The following GRM8 variants were observed in gnomAD, a reference collection of about 807,000 sequenced individuals.
The protein encoded by GRM8 is metabotropic glutamate receptor 8.
In GRM8, 47 loss-of-function variants were observed where a neutral mutation model predicts 87.2. That is an observed-to-expected ratio of 0.54 (90% CI 0.43 to 0.69). GRM8 has a LOEUF of 0.69. Among genes scored for constraint, GRM8 ranks in the 30% least tolerant of loss-of-function variants. GRM8 has a pLI of 0.00. For synonymous variants in GRM8, 396 were observed against 404.5 expected, an observed-to-expected ratio of 0.98 and a Z score of 0.25; for missense variants, 1,019 against 1,139.2, an observed-to-expected ratio of 0.89 and a Z score of 1.52.
intron 2 of GRM8, among the ~76,000 whole-genome samples, chr7:127,218,811 T>G (rs190030718): frequency 2.0e-5 from 3 of 152,308 alleles, no homozygotes; most frequent in Admixed American, 2.0e-4. Flanking sequence ...TATTTGAACT[T>G]GAATGTTCAA....
chr7:127,126,896 A>C (rs1827403841), intron 2 of GRM8, among the ~76,000 whole-genome samples: 1 of 152,060 alleles, frequency 6.6e-6, no homozygotes, highest in South Asian at 2.1e-4. Flanking sequence ...CAATACAAAC[A>C]GTCCAAATTT....
intron 6 of GRM8, among the ~76,000 whole-genome samples, chr7:126,840,262 A>G (rs918099004): frequency 1.3e-5 from 2 of 152,202 alleles, no homozygotes; most frequent in Non-Finnish European, 2.9e-5. Flanking sequence ...TTGTTTCCAT[A>G]ATAGAAAGGG....
intron 2 of GRM8, among the ~76,000 whole-genome samples, chr7:127,234,986 G>A: frequency 6.6e-6 from 1 of 152,204 alleles, no homozygotes. Flanking sequence ...GGGTGAATGG[G>A]TAGAAAGAGC....
chr7:126,773,508 A>T (rs1424834182), intron 6 of GRM8, among the ~76,000 whole-genome samples: 1 of 152,156 alleles, frequency 6.6e-6, no homozygotes, highest in Non-Finnish European at 1.5e-5. Flanking sequence ...TTGATTTAAT[A>T]TATTATCATT....
intron 8 of GRM8, among the ~76,000 whole-genome samples, chr7:126,582,610 A>C (rs139012870): frequency 1.2e-3 from 176 of 152,318 alleles, no homozygotes; most frequent in African/African-American, 4.1e-3. Flanking sequence ...TGCTAGAAAG[A>C]AGTCAATGCC....
At chr7:127,222,296 T>A (rs1796986527) in intron 2 of GRM8, among the ~76,000 whole-genome samples, 2 of 152,174 alleles carry the variant, frequency 1.3e-5, no homozygotes. Flanking sequence ...TGGCCCCAAC[T>A]ATTCAGGAGG....
intron 8 of GRM8, among the ~76,000 whole-genome samples, chr7:126,596,669 C>T (rs1749021965): frequency 6.6e-6 from 1 of 152,060 alleles, no homozygotes; most frequent in Non-Finnish European, 1.5e-5. Context: ...ACTGTGGTAG[C>T]ACATACGCAG....
chr7:126,644,505 T>C (rs979543375), intron 7 of GRM8, among the ~76,000 whole-genome samples: 3 of 152,240 alleles, frequency 2.0e-5, no homozygotes, highest in Admixed American at 6.5e-5. Context: ...TTTCCTCCTA[T>C]TGAAAATTAG....
At chr7:127,092,247 G>T (rs1019236500) in intron 3 of GRM8, among the ~76,000 whole-genome samples, 1 of 151,876 alleles carries the variant, frequency 6.6e-6, no homozygotes, top group Non-Finnish European at 1.5e-5. Context: ...TCTCTCTGTG[G>T]CAATGGTCTT....
rs190452805 is a variant in GRM8, at chr7:126,916,460, C to G, written c.728-11777G>C. ...AGAAAAAGGCAAAGTATCTTGGTATCTGTGTTATATGTGTACATATCATAA... is the reference window on the plus strand; with the variant it reads ...AGAAAAAGGCAAAGTATCTTGGTATGTGTGTTATATGTGTACATATCATAA... On this transcript the variant is annotated intron_variant, in intron 3 of 10. Transcript: ENST00000339582. Among the ~76,000 whole-genome samples, 463 of 152,312 alleles carry G rather than the reference C, an allele frequency of 3.0e-3. 5 individuals are homozygous for G. Among genetic ancestry groups the G allele is most frequent in the African/African-American group, 0.011 (443 of 41,582 alleles).
At chr7:126,689,746 G>A (rs543858090) in intron 7 of GRM8, among the ~76,000 whole-genome samples, 23 of 152,254 alleles carry the variant, frequency 1.5e-4, no homozygotes, top group African/African-American at 5.5e-4. Flanking sequence ...TGACCCAATA[G>A]CTATTTTAAT....
intron 8 of GRM8, among the ~76,000 whole-genome samples, chr7:126,571,785 G>C (rs960317519): frequency 7.4e-5 from 11 of 149,440 alleles, no homozygotes; most frequent in Non-Finnish European, 1.3e-4. Flanking sequence ...CTGTCACCCA[G>C]GCTGGAATGC....
At chr7:126,797,245 TAC>T (rs1014990000) in intron 6 of GRM8, among the ~76,000 whole-genome samples, 3 of 152,122 alleles carry the variant, frequency 2.0e-5, no homozygotes, top group African/African-American at 7.2e-5. Context: ...TAATAAGAGT[TAC>T]CACGCTAAAC....
chr7:126,699,352 A>T (rs1414121990), intron 7 of GRM8, among the ~76,000 whole-genome samples: 1 of 152,194 alleles, frequency 6.6e-6, no homozygotes, highest in Admixed American at 6.5e-5. Flanking sequence ...ATAAGTTTAT[A>T]AGAGTTCTGT....
intron 3 of GRM8, among the ~76,000 whole-genome samples, chr7:127,061,607 C>T (rs1820597716): frequency 6.6e-6 from 1 of 152,158 alleles, no homozygotes; most frequent in Non-Finnish European, 1.5e-5. Context: ...CTTTCCCCCA[C>T]ACCCTTCCTC....
At chr7:126,513,564 A>G (rs1811729744) in intron 9 of GRM8, among the ~76,000 whole-genome samples, 1 of 152,160 alleles carries the variant, frequency 6.6e-6, no homozygotes, top group Non-Finnish European at 1.5e-5. Context: ...GGCTAACACC[A>G]TCAGCACAAT....
intron 3 of GRM8, among the ~76,000 whole-genome samples, chr7:127,052,859 T>C (rs1819627857): frequency 6.6e-6 from 1 of 152,192 alleles, no homozygotes; most frequent in Non-Finnish European, 1.5e-5. Context: ...GGCTAGTTTG[T>C]AGATTCTGTC....
intron 3 of GRM8, among the ~76,000 whole-genome samples, chr7:126,987,751 C>A (rs1812255185): frequency 6.6e-6 from 1 of 152,172 alleles, no homozygotes; most frequent in South Asian, 2.1e-4. Flanking sequence ...GCGTGAGCCA[C>A]GGCGCCCGGC....
intron 6 of GRM8, among the ~76,000 whole-genome samples, chr7:126,867,212 T>A (rs564652145): frequency 1.2e-3 from 177 of 152,282 alleles, no homozygotes; most frequent in African/African-American, 4.2e-3. Flanking sequence ...GGTAGTGCTG[T>A]CCCACTAAGA....
Sources: gnomAD v4.1 joint callset for allele counts (sites outside exome capture counted in the v4.1 genomes callset) on GRCh38, gnomAD v4.1.1 for gene constraint, MANE v1.5 for transcripts, NCBI Gene and HGNC (gene_info 2026-07-23, HGNC 2026-07-21) for gene names.